HCN2: variants seen among roughly 807,000 people sequenced by gnomAD.
HCN2 encodes potassium/sodium hyperpolarization-activated cyclic nucleotide-gated channel 2.
Under a neutral mutation model 52.3 loss-of-function variants are expected in HCN2, and 20 were observed. The observed-to-expected ratio is 0.38, with a 90% CI of 0.27 to 0.56. The LOEUF (loss-of-function observed/expected upper bound fraction) is 0.56. HCN2 is among the 20% of genes least tolerant of loss of function. The probability of loss-of-function intolerance (pLI) is 0.71; values close to 1 mark genes in which losing one functional copy is unlikely to be tolerated. For synonymous variants in HCN2, 694 were observed against 537.0 expected (o/e 1.29, Z -4.04); for missense variants, 981 against 1,207.7 (o/e 0.81, Z 2.78).
intron 5 of HCN2, among the ~76,000 whole-genome samples, chr19:612,126 C>G (rs961403991): frequency 3.3e-5 from 5 of 151,376 alleles, no homozygotes; most frequent in Non-Finnish European, 7.4e-5. Context: ...GCCTGGACAA[C>G]AGAGCGAGAC....
intron 7 of HCN2, 38 bp from the exon 8 acceptor site, chr19:615,730 TGCTCGGTGCCCGCTGTACGCAGCAGGC>T: frequency 6.5e-7 from 1 of 1,548,822 alleles, no homozygotes; most frequent in Non-Finnish European, 8.9e-7. Context: ...GCAGAGTAGG[TGCTCGGTGCCCGCTGTACGCAGCAGGC>T]GCTCCCTGTG....
At chr19:599,162 A>C (rs892736982) in intron 1 of HCN2, among the ~76,000 whole-genome samples, 1 of 152,352 alleles carries the variant, frequency 6.6e-6, no homozygotes, top group African/African-American at 2.4e-5. Context: ...TGCTGTGAAC[A>C]TTTTGGTACA....
At chr19:608,480 G>A (rs1046259258) in intron 4 of HCN2, among the ~76,000 whole-genome samples, 2 of 152,128 alleles carry the variant, frequency 1.3e-5, no homozygotes, top group Non-Finnish European at 2.9e-5. Context: ...GGGAGCAGGG[G>A]ACCCTGGGGG....
intron 7 of HCN2, among the ~76,000 whole-genome samples, chr19:614,271 C>G (rs1230676636): frequency 6.6e-6 from 1 of 152,178 alleles, no homozygotes; most frequent in African/African-American, 2.4e-5. Flanking sequence ...ACCTATTGTC[C>G]TACTTCAGCC....
In HCN2 at chr19:616,799, G is replaced by A. The variant is rs1050299126; in HGVS notation, c.*325G>A. 813 of 220,574 alleles carry A rather than the reference G, an allele frequency of 3.7e-3. 11 individuals are homozygous for A. The highest frequency in any genetic ancestry group is 4.0e-3 in the Non-Finnish European group (446 of 112,204). 13.7% of individuals were successfully genotyped at this position (220,574 alleles called of 1,614,324 possible). A position where few individuals can be genotyped will look rare whatever the true frequency, so the allele number is the denominator to read the frequency against. On this transcript the variant is annotated 3_prime_UTR_variant, in exon 8 of 8. Coordinates refer to ENST00000251287, the MANE Select transcript of HCN2 (RefSeq NM_001194.4). ...GGCGGCCCAGTGGCTGAGAGGAGCC[G>A]GCTGTGGAGCCCCGCCCGCCCCCCA...
intron 5 of HCN2, among the ~76,000 whole-genome samples, chr19:611,157 A>G (rs1414063825): frequency 1.3e-5 from 2 of 152,170 alleles, no homozygotes; most frequent in Non-Finnish European, 1.5e-5. Context: ...ATAAGGTCCT[A>G]TTCACAGGAA....
chr19:602,080 T>C (rs112595460), intron 1 of HCN2, among the ~76,000 whole-genome samples: 3,412 of 128,852 alleles, frequency 0.026, 104 homozygotes, highest in East Asian at 0.082. Context: ...CTCCCTCCTG[T>C]GTGGACGCCC....
chr19:595,162 A>G (rs572189630), intron 1 of HCN2, among the ~76,000 whole-genome samples: 1 of 151,192 alleles, frequency 6.6e-6, no homozygotes, highest in African/African-American at 2.5e-5. Context: ...TGATCGTGCC[A>G]CTGCACTCCG....
intron 6 of HCN2, 114 bp from the exon 7 acceptor site, chr19:613,738 C>A: frequency 9.7e-7 from 1 of 1,036,034 alleles, no homozygotes; most frequent in Non-Finnish European, 1.2e-6. Context: ...CAGGGAGAGC[C>A]TGGGTGGGAA....
At chr19:615,344 C>G (rs1453641525) in intron 7 of HCN2, among the ~76,000 whole-genome samples, 1 of 149,056 alleles carries the variant, frequency 6.7e-6, no homozygotes. Context: ...CCCGTCTCTA[C>G]TAAAAAAAAA....
intron 4 of HCN2, among the ~76,000 whole-genome samples, chr19:609,951 T>C (rs1983552101): frequency 1.3e-5 from 2 of 152,348 alleles, no homozygotes; most frequent in African/African-American, 2.4e-5. Flanking sequence ...TTGATTTAAA[T>C]AGAAGCATGT....
Position 605,058 on chromosome 19 carries a change from C to T in HCN2, c.1057-3C>T. The T allele has an allele frequency of 6.2e-7, 1 of 1,608,074 alleles. No homozygotes were observed. On this transcript the variant is annotated splice_polypyrimidine_tract_variant and splice_region_variant and intron_variant, in intron 2 of 7. Coordinates refer to ENST00000251287, the MANE Select transcript of HCN2 (RefSeq NM_001194.4). Reference sequence around the variant, plus strand: ...AGGGTGGGCTCACGGCGCCTTCCTGCAGATCTTCCACATGACCTATGACCT... The same window carrying T: ...AGGGTGGGCTCACGGCGCCTTCCTGTAGATCTTCCACATGACCTATGACCT...
chr19:604,356 G>A (rs1983327593), intron 2 of HCN2, among the ~76,000 whole-genome samples: 1 of 150,166 alleles, frequency 6.7e-6, no homozygotes, highest in African/African-American at 2.5e-5. Flanking sequence ...GGGTGCAGGG[G>A]TGGAGCTACA....
At chr19:613,699 GGGGCCGGGGAT>G (rs1983765766) in intron 6 of HCN2, among the ~76,000 whole-genome samples, 142 bp from the exon 7 acceptor site, 2 of 136,452 alleles carry the variant, frequency 1.5e-5, no homozygotes, top group Admixed American at 7.1e-5. Context: ...GGCCGGGGAT[GGGGCCGGGGAT>G]GGGGCCGGGG....
Position 601,250 on chromosome 19 carries a change from T to A in HCN2, c.633-2294T>A, listed in dbSNP as rs182533059. Among the ~76,000 whole-genome samples the A allele has an allele frequency of 2.9e-3, 443 of 151,838 alleles. 2 individuals carry two copies. Among genetic ancestry groups the A allele is most frequent in the African/African-American group, 0.01 (418 of 41,372 alleles). Reference sequence around the variant, plus strand: ...ATCGCTTGAACTTGGGAGGCGGAGGTGGCAGTGAGCCGAGATGGTGCCACT... The same window carrying A: ...ATCGCTTGAACTTGGGAGGCGGAGGAGGCAGTGAGCCGAGATGGTGCCACT... On this transcript the variant is annotated intron_variant, in intron 1 of 7. Transcript: ENST00000251287.
rs1396473737 is a variant in HCN2 at position 613,892 on chromosome 19, G to A, written c.1866G>A (p.Val622=). 1 of 1,598,748 alleles carries A rather than the reference G, an allele frequency of 6.3e-7. No individual in the cohort carries two copies. The highest frequency in any genetic ancestry group is 2.3e-5 in the East Asian group (1 of 44,242). The change falls in exon 7 of 8, where the codon GTG becomes GTA. Residue 622 remains valine, a synonymous_variant. Coordinates refer to ENST00000251287, the MANE Select transcript of HCN2 (RefSeq NM_001194.4). ...CCCGGGGCCGCCGCACGGCGAGCGT[G>A]CGGGCTGACACCTACTGCCGCCTCT... ...LLTRGRRTAS[V]RADTYCRLYS...
intron 6 of HCN2, among the ~76,000 whole-genome samples, 171 bp from the exon 7 acceptor site, chr19:613,680 CG>C (rs1983762128): frequency 2.6e-4 from 2 of 7,688 alleles, no homozygotes; most frequent in Non-Finnish European, 5.2e-4. Context: ...GGGATGGGGC[CG>C]GGGATGGGGC....
chr19:616,500 A>G lies in HCN2; in HGVS notation c.*26A>G. ...CCCTCGCCGACCGCCCCGCGGGCCC[A>G]GGCGGGCCGGGGGCGGGGCCGTCAT... is the stretch of plus-strand genomic sequence containing the variant. On this transcript the variant is annotated 3_prime_UTR_variant, in exon 8 of 8. Transcript: ENST00000251287. The G allele has an allele frequency of 1.7e-6, 2 of 1,196,894 alleles. No homozygotes were observed. Among genetic ancestry groups the G allele is most frequent in the Non-Finnish European group, 1.0e-6 (1 of 961,512 alleles). The allele number at this position is 1,196,894 out of a possible 1,614,324, so 74.1% of individuals were successfully genotyped here. A position where few individuals can be genotyped will look rare whatever the true frequency, so the allele number is the denominator to read the frequency against.
At chr19:614,639 TG>T (rs557311259) in intron 7 of HCN2, among the ~76,000 whole-genome samples, 4 of 151,144 alleles carry the variant, frequency 2.6e-5, no homozygotes, top group Non-Finnish European at 5.9e-5. Context: ...TGGAGGAGGT[TG>T]GGGAAGAAGG....
Sources: allele counts gnomAD v4.1 joint callset (sites outside exome capture counted in the v4.1 genomes callset), GRCh38; gene constraint gnomAD v4.1.1; transcripts MANE v1.5; gene names NCBI Gene and HGNC (gene_info 2026-07-23, HGNC 2026-07-21).